Variants in MTMR14 observed in about 807,000 individuals in gnomAD.
MTMR14 encodes myotubularin related protein 14.
Under a neutral mutation model 86.3 loss-of-function variants are expected in MTMR14, and 48 were observed. That is an observed-to-expected ratio of 0.56 (90% CI 0.44 to 0.71). The LOEUF (loss-of-function observed/expected upper bound fraction) is 0.71, where lower values mean the gene tolerates loss of function less well. MTMR14 is among the 30% of genes least tolerant of loss of function. The pLI, the probability that MTMR14 is intolerant of heterozygous loss-of-function variation, is 0.00. For synonymous variants in MTMR14, 366 were observed against 326.1 expected (o/e 1.12, Z -1.32); for missense variants, 780 against 834.6 (o/e 0.93, Z 0.81).
chr3:9,664,802 G>A (rs374536610), intron 3 of MTMR14, among the ~76,000 whole-genome samples: 1 of 152,190 alleles, frequency 6.6e-6, no homozygotes. Flanking sequence ...GTTAATGGGT[G>A]CAAAAATATA....
chr3:9,652,183 TC>T (rs2047341041), intron 1 of MTMR14, among the ~76,000 whole-genome samples: 1 of 152,120 alleles, frequency 6.6e-6, no homozygotes, highest in Admixed American at 6.5e-5. Context: ...CAGGCTGGTC[TC>T]AAGCTCCTGA....
intron 10 of MTMR14, 113 bp downstream of exon 10, chr3:9,683,357 G>A (rs2075833100): frequency 9.5e-7 from 1 of 1,047,604 alleles, no homozygotes; most frequent in Non-Finnish European, 1.5e-6. Flanking sequence ...TTGTGCTGTG[G>A]GAGAGGAATT....
chr3:9,652,959 G>A (rs534955379), intron 1 of MTMR14, among the ~76,000 whole-genome samples: 112 of 152,088 alleles, frequency 7.4e-4, no homozygotes, highest in Non-Finnish European at 1.2e-3. Flanking sequence ...AATAAAGGCC[G>A]GGTGCCGTGG....
rs9837634 is a variant in MTMR14 at position 9,669,466 on chromosome 3, C to T, written c.528C>T (p.Asp176=). 40 of 1,613,630 alleles carry T rather than the reference C, an allele frequency of 2.5e-5. No individual in the cohort carries two copies. In the African/African-American group the frequency reaches 3.3e-4, roughly 13 times the overall value. ...GADDAWADVE[D]VTEEDCALRS... is the part of the protein sequence containing the mutation. ...ATGATGCCTGGGCAGATGTGGAGGA[C>T]GTCACGGAGGAGGACTGTGCTCTTC... The change falls in exon 5 of 19, where the codon GAC becomes GAT. Residue 176 remains aspartate (D), a synonymous_variant. Coordinates refer to ENST00000296003, the MANE Select transcript of MTMR14 (RefSeq NM_001077525.3).
chr3:9,650,403 G>A (rs56310367), intron 1 of MTMR14: 36,907 of 456,066 alleles, frequency 0.081, 1,611 homozygotes, highest in Admixed American at 0.11. Context: ...TGGCAGTGCG[G>A]TGGGAATCTT....
At chr3:9,689,529 C>T (rs184045363) in intron 16 of MTMR14, among the ~76,000 whole-genome samples, 83 of 152,240 alleles carry the variant, frequency 5.5e-4, no homozygotes, top group African/African-American at 1.9e-3. Context: ...ACAGATGGCT[C>T]AAGATGTTGC....
At chr3:9,673,000 GCCTTGAGTGAAGTACTTCACCCCT>G (rs1238324523) in intron 7 of MTMR14, among the ~76,000 whole-genome samples, 1 of 152,220 alleles carries the variant, frequency 6.6e-6, no homozygotes, top group Non-Finnish European at 1.5e-5. Flanking sequence ...CCTAGCCACA[GCCTTGAGTGAAGTACTTCACCCCT>G]CCAAGCCTCA....
At chr3:9,668,299 T>A (rs1316562381) in intron 3 of MTMR14, among the ~76,000 whole-genome samples, 2 of 152,222 alleles carry the variant, frequency 1.3e-5, no homozygotes, top group Non-Finnish European at 2.9e-5. Context: ...TATATGACCT[T>A]ACACATCACT....
chr3:9,654,730 T>A (rs2047498964), intron 2 of MTMR14, among the ~76,000 whole-genome samples: 1 of 152,242 alleles, frequency 6.6e-6, no homozygotes, highest in Non-Finnish European at 1.5e-5. Flanking sequence ...AGCCCCTTGC[T>A]ACTCAAAGCA....
At chr3:9,698,397 T>C (rs1020873572) in intron 18 of MTMR14, among the ~76,000 whole-genome samples, 1 of 152,240 alleles carries the variant, frequency 6.6e-6, no homozygotes, top group Non-Finnish European at 1.5e-5. Context: ...TTCCAGCCCT[T>C]AACAGTGTGT....
intron 6 of MTMR14, 64 bp downstream of exon 6, chr3:9,671,234 T>A (rs2048552530): frequency 6.2e-7 from 1 of 1,610,764 alleles, no homozygotes; most frequent in Admixed American, 1.7e-5. Context: ...AGGGCTGGCG[T>A]TAGTATGTAG....
chr3:9,692,405 T>C (rs2076163867), intron 17 of MTMR14, among the ~76,000 whole-genome samples: 1 of 152,238 alleles, frequency 6.6e-6, no homozygotes, highest in African/African-American at 2.4e-5. Flanking sequence ...AGCCCAGTGG[T>C]TTTTAATCAT....
chr3:9,676,854 G>T (rs774037005), intron 7 of MTMR14, among the ~76,000 whole-genome samples: 1 of 152,212 alleles, frequency 6.6e-6, no homozygotes, highest in Non-Finnish European at 1.5e-5. Flanking sequence ...ATGTTAGGAT[G>T]TTCAGTCTTC....
chr3:9,692,632 G>T (rs569571195), intron 17 of MTMR14, among the ~76,000 whole-genome samples: 2 of 152,338 alleles, frequency 1.3e-5, no homozygotes, highest in Admixed American at 6.5e-5. Flanking sequence ...GAGTAGGGAG[G>T]TTGCTAGCAC....
chr3:9,669,945 G>T (rs2048479766), intron 5 of MTMR14, among the ~76,000 whole-genome samples: 1 of 152,212 alleles, frequency 6.6e-6, no homozygotes, highest in South Asian at 2.1e-4. Flanking sequence ...GGCACATTTG[G>T]AGACCAGATG....
At chr3:9,672,131 G>A (rs1360667201) in intron 6 of MTMR14, among the ~76,000 whole-genome samples, 1 of 152,204 alleles carries the variant, frequency 6.6e-6, no homozygotes. Flanking sequence ...GTGCATTTTG[G>A]GGTCAGGTGG....
intron 5 of MTMR14, among the ~76,000 whole-genome samples, chr3:9,670,572 GATAAA>G (rs2048512624): frequency 6.6e-6 from 1 of 151,800 alleles, no homozygotes; most frequent in Non-Finnish European, 1.5e-5. Context: ...ATAATCAGTT[GATAAA>G]ATAGCTCTAA....
At chr3:9,660,261 C>CTT (rs771078188) in intron 2 of MTMR14, among the ~76,000 whole-genome samples, 3 of 144,610 alleles carry the variant, frequency 2.1e-5, no homozygotes, top group Non-Finnish European at 3.0e-5. Flanking sequence ...GGGCACTTTG[C>CTT]TTTTTTTTTT....
At chr3:9,656,428 CT>C (rs112998784) in intron 2 of MTMR14, among the ~76,000 whole-genome samples, 30 of 147,360 alleles carry the variant, frequency 2.0e-4, no homozygotes, top group East Asian at 2.0e-4. Flanking sequence ...AGCTTAGTTT[CT>C]TTTTTTTTTT....
Sources: allele counts gnomAD v4.1 joint callset (sites outside exome capture counted in the v4.1 genomes callset), GRCh38; gene constraint gnomAD v4.1.1; transcripts MANE v1.5; gene names NCBI Gene and HGNC (gene_info 2026-07-23, HGNC 2026-07-21).